SCML4: variants seen among roughly 807,000 people sequenced by gnomAD.
The protein encoded by SCML4 is sex comb on midleg-like protein 4.
Under a neutral mutation model 41.1 loss-of-function variants are expected in SCML4, and 34 were observed. The ratio of observed to expected loss-of-function variants is 0.83; its 90% CI spans 0.63 to 1.10. The LOEUF (loss-of-function observed/expected upper bound fraction) is 1.10, where lower values mean the gene tolerates loss of function less well. SCML4 is among the 50% of genes least tolerant of loss of function. The pLI is 0.00. For missense variants in SCML4, 522 were observed against 534.1 expected (o/e 0.98, Z 0.22); for synonymous variants, 214 against 220.9 (o/e 0.97, Z 0.28).
At chr6:107,768,712 G>T (rs1351414409) in intron 2 of SCML4, among the ~76,000 whole-genome samples, 1 of 152,156 alleles carries the variant, frequency 6.6e-6, no homozygotes, top group Non-Finnish European at 1.5e-5. Flanking sequence ...TCCACCCGGA[G>T]CCTCAAACGT....
intron 5 of SCML4, among the ~76,000 whole-genome samples, chr6:107,721,606 A>T (rs534543530): frequency 4.5e-4 from 69 of 152,182 alleles, no homozygotes; most frequent in African/African-American, 1.3e-3. Flanking sequence ...GGCTTCTCAG[A>T]ATCTCCCTGT....
At chr6:107,794,126 G>C (rs1371304914) in intron 1 of SCML4, among the ~76,000 whole-genome samples, 1 of 152,234 alleles carries the variant, frequency 6.6e-6, no homozygotes, top group Non-Finnish European at 1.5e-5. Context: ...CCAAGGGGCA[G>C]AGGTAGTCAA....
At chr6:107,735,910 G>A (rs376050973) in intron 5 of SCML4, among the ~76,000 whole-genome samples, 15 of 152,014 alleles carry the variant, frequency 9.9e-5, no homozygotes, top group South Asian at 6.2e-4. Flanking sequence ...TCCATAACTC[G>A]TCTTGTAAAA....
rs566972493 is a variant in SCML4 at position 107,820,867 on chromosome 6, A to G, written c.-60+3259T>C. 5.3e-4 allele frequency among the ~76,000 whole-genome samples: 81 copies of G among 152,122 alleles called. No homozygotes were observed. The Middle Eastern group carries it at 0.01, about 19-fold the overall frequency. On this transcript the variant is annotated intron_variant, in intron 1 of 7. Coordinates refer to ENST00000369020, the MANE Select transcript of SCML4 (RefSeq NM_198081.5). Reference sequence around the variant, plus strand: ...GGTAGAAAAGAAAAAAAAGAAGAAGAAGGAGAAAGTGACATATTCAAATGC... The same window carrying G: ...GGTAGAAAAGAAAAAAAAGAAGAAGGAGGAGAAAGTGACATATTCAAATGC...
intron 1 of SCML4, among the ~76,000 whole-genome samples, chr6:107,772,766 A>G (rs1482740107): frequency 6.6e-6 from 1 of 152,214 alleles, no homozygotes; most frequent in Non-Finnish European, 1.5e-5. Flanking sequence ...TATTAAATAA[A>G]CAAAGCCACT....
intron 1 of SCML4, among the ~76,000 whole-genome samples, chr6:107,823,856 T>A (rs573012166): frequency 1.4e-4 from 21 of 152,342 alleles, no homozygotes; most frequent in African/African-American, 4.3e-4. Context: ...GTAATGAACA[T>A]GTATATAGCC....
intron 5 of SCML4, among the ~76,000 whole-genome samples, chr6:107,723,934 G>A (rs1362883285): frequency 9.9e-5 from 15 of 151,774 alleles, no homozygotes; most frequent in Non-Finnish European, 2.1e-4. Flanking sequence ...AACTGAACCC[G>A]GCAACATATA....
the SCML4 span, among the ~76,000 whole-genome samples, chr6:107,837,163 G>A: frequency 1.3e-5 from 2 of 152,134 alleles, no homozygotes; most frequent in African/African-American, 4.8e-5. Flanking sequence ...GGTAGAATTC[G>A]GAGCAGGCCA....
chr6:107,809,432 C>A (rs891758200), intron 1 of SCML4, among the ~76,000 whole-genome samples: 1 of 152,172 alleles, frequency 6.6e-6, no homozygotes, highest in Non-Finnish European at 1.5e-5. Context: ...GGCAGAGAAG[C>A]AGGGCAGGAG....
rs764567723 is a variant in SCML4, at chr6:107,704,056, C to G, written c.*1144G>C. ...AGCAGAAAATCAATTTTTTCTATTA[C>G]TCCACTGTGAGGAAGGAAAACCTAT... On this transcript the variant is annotated 3_prime_UTR_variant, in exon 8 of 8. Transcript: ENST00000369020. 9 of 152,212 alleles carry G rather than the reference C, an allele frequency of 5.9e-5. No individual in the cohort carries two copies. The highest frequency in any genetic ancestry group is 1.0e-4 in the Non-Finnish European group (7 of 68,042). The allele number at this position is 152,212 out of a possible 1,614,324, so 9.4% of individuals were successfully genotyped here.
At chr6:107,719,635 CATTT>C (rs1182199049) in intron 6 of SCML4, 1 of 152,304 alleles carries the variant, frequency 6.6e-6, no homozygotes, top group Non-Finnish European at 1.5e-5. Flanking sequence ...TAACTACTAA[CATTT>C]ATTGAGCTCT....
intron 5 of SCML4, among the ~76,000 whole-genome samples, chr6:107,730,921 T>C (rs1776472787): frequency 6.6e-6 from 1 of 152,134 alleles, no homozygotes; most frequent in Non-Finnish European, 1.5e-5. Context: ...GGGTTCTGAG[T>C]CCAGAGTGTG....
chr6:107,722,908 A>G (rs1775573563), intron 5 of SCML4, among the ~76,000 whole-genome samples: 1 of 152,230 alleles, frequency 6.6e-6, no homozygotes, highest in African/African-American at 2.4e-5. Flanking sequence ...AAAGAAGGAA[A>G]TAATAAAGAT....
chr6:107,731,852 C>G lies in SCML4; in HGVS notation c.683-10859G>C, dbSNP rs529890769. ...GCCAGGTGCCATCACCTAGATAGTA[C>G]AGGAAAAGGAGACCTGCGAGGAGAG... On this transcript the variant is annotated intron_variant, in intron 5 of 7. Coordinates refer to ENST00000369020, the MANE Select transcript of SCML4 (RefSeq NM_198081.5). The G allele has an allele frequency of 4.6e-5, 7 of 152,594 alleles. No homozygotes were observed. The East Asian group carries it at 1.4e-3, about 29-fold the overall frequency. 9.5% of individuals were successfully genotyped at this position (152,594 alleles called of 1,614,324 possible). A position where few individuals can be genotyped will look rare whatever the true frequency, so the allele number is the denominator to read the frequency against.
rs1165980866 is a variant in SCML4 at position 107,708,122 on chromosome 6, G to C, written c.974-111C>G. 3.1e-6 allele frequency: 4 copies of C among 1,291,980 alleles called. No individual in the cohort carries two copies. The Admixed American group carries it at 9.4e-5, about 30-fold the overall frequency. The allele number at this position is 1,291,980 out of a possible 1,614,324, so 80.0% of individuals were successfully genotyped here. Reference sequence around the variant, plus strand: ...GAAGGGGGATCCTCAGTGCCCATGAGTCCAAGGACCTGGCCCAAGTGACCT... The same window carrying C: ...GAAGGGGGATCCTCAGTGCCCATGACTCCAAGGACCTGGCCCAAGTGACCT... On this transcript the variant is annotated intron_variant, in intron 6 of 7. Transcript: ENST00000369020.
In SCML4 at chr6:107,744,947, A is replaced by T; in HGVS notation, c.682+2T>A. On this transcript the variant is annotated splice_donor_variant, in intron 5 of 7. Transcript: ENST00000369020. LOFTEE classifies it high-confidence loss of function. ...AGGTGGGGGAAGCAGGACAAGGCCTACCTGATTCCATCCTCCCTTCCTCTT... is the reference window on the plus strand; with the variant it reads ...AGGTGGGGGAAGCAGGACAAGGCCTTCCTGATTCCATCCTCCCTTCCTCTT... 6.2e-7 allele frequency: 1 copy of T among 1,604,198 alleles called. No individual in the cohort carries two copies. Among genetic ancestry groups the T allele is most frequent in the East Asian group, 2.2e-5 (1 of 44,552 alleles).
chr6:107,733,899 C>T (rs1776795554), intron 5 of SCML4, among the ~76,000 whole-genome samples: 1 of 152,228 alleles, frequency 6.6e-6, no homozygotes, highest in Non-Finnish European at 1.5e-5. Flanking sequence ...CTGCAGTGGA[C>T]ACAGACACAA....
At chr6:107,827,745 A>G (rs968330658), upstream of SCML4, among the ~76,000 whole-genome samples, 1 of 152,202 alleles carries the variant, frequency 6.6e-6, no homozygotes, top group Admixed American at 6.5e-5. Context: ...CACGAGTGCT[A>G]CTGGGCTGGT....
chr6:107,834,426 C>T, the SCML4 span, among the ~76,000 whole-genome samples: 1 of 152,220 alleles, frequency 6.6e-6, no homozygotes, highest in Non-Finnish European at 1.5e-5. Context: ...CACTGCCAGA[C>T]TGTTTGCAGC....
Sources: allele counts gnomAD v4.1 joint callset (sites outside exome capture counted in the v4.1 genomes callset), GRCh38; gene constraint gnomAD v4.1.1; transcripts MANE v1.5; gene names NCBI Gene and HGNC (gene_info 2026-07-23, HGNC 2026-07-21).